The following LRRK1 variants were observed in gnomAD, a reference collection of about 807,000 sequenced individuals.
LRRK1 encodes leucine rich repeat kinase 1.
Under a neutral mutation model 209.1 loss-of-function variants are expected in LRRK1, and 113 were observed. The observed-to-expected ratio is 0.54, with a 90% CI of 0.46 to 0.63. LRRK1 has a LOEUF of 0.63. LRRK1 is among the 30% of genes least tolerant of loss of function. The pLI is 0.00. For missense variants in LRRK1, 2,284 were observed against 2,632.2 expected (o/e 0.87, Z 2.89); for synonymous variants, 1,144 against 1,099.7 (o/e 1.04, Z -0.80).
At chr15:100,923,192 G>A (rs112194645) in intron 1 of LRRK1, among the ~76,000 whole-genome samples, 1,696 of 152,266 alleles carry the variant, frequency 0.011, 36 homozygotes, top group African/African-American at 0.039. Context: ...CACTTTGGTT[G>A]AATTCACACA....
At chr15:101,042,960 G>C (rs1596312070) in intron 20 of LRRK1, among the ~76,000 whole-genome samples, 1 of 152,324 alleles carries the variant, frequency 6.6e-6, no homozygotes, top group Non-Finnish European at 1.5e-5. Context: ...GAGCACACGA[G>C]GGGTGAGACC....
At chr15:101,014,231 T>G in intron 10 of LRRK1, 85 bp from the exon 11 acceptor site, 1 of 958,942 alleles carries the variant, frequency 1.0e-6, no homozygotes, top group Middle Eastern at 2.1e-4. Flanking sequence ...TGCGCGTGGT[T>G]GGGAACTGAC....
At chr15:100,935,902 G>A (rs1443040885) in intron 2 of LRRK1, among the ~76,000 whole-genome samples, 2 of 152,198 alleles carry the variant, frequency 1.3e-5, no homozygotes, top group African/African-American at 4.8e-5. Context: ...TCCACCGCAT[G>A]TCTAGCCCAA....
chr15:100,956,590 G>C (rs71409321), intron 2 of LRRK1, among the ~76,000 whole-genome samples: 13,690 of 150,948 alleles, frequency 0.091, 700 homozygotes, highest in Non-Finnish European at 0.12. Flanking sequence ...TCAGCCTCCT[G>C]AGTAGCTGGG....
chr15:101,008,787 G>T, intron 6 of LRRK1, 50 bp from the exon 7 acceptor site: 4 of 1,383,800 alleles, frequency 2.9e-6, no homozygotes, highest in Non-Finnish European at 4.1e-6. Context: ...AGCCCATGTG[G>T]GCCCTGAACT....
At chr15:100,982,878 C>T (rs986172339) in intron 3 of LRRK1, among the ~76,000 whole-genome samples, 2 of 152,252 alleles carry the variant, frequency 1.3e-5, no homozygotes, top group Non-Finnish European at 1.5e-5. Context: ...ATGTATATAT[C>T]ATATTTTCTA....
chr15:100,973,670 C>A, intron 2 of LRRK1, 134 bp from the exon 3 acceptor site: 1 of 922,122 alleles, frequency 1.1e-6, no homozygotes, highest in Non-Finnish European at 1.4e-6. Flanking sequence ...GTCGCGGGGC[C>A]ACCCCTCTCT....
At chr15:101,009,641 G>A (rs770618467) in intron 7 of LRRK1, among the ~76,000 whole-genome samples, 7 of 152,134 alleles carry the variant, frequency 4.6e-5, no homozygotes, top group African/African-American at 7.2e-5. Flanking sequence ...CAACTGGAGT[G>A]CAGTGGCATA....
At chr15:101,068,365 G>T (rs1174245636) in intron 33 of LRRK1, among the ~76,000 whole-genome samples, 3 of 152,152 alleles carry the variant, frequency 2.0e-5, no homozygotes, top group Non-Finnish European at 4.4e-5. Flanking sequence ...CGCTTTGGGA[G>T]CTGAGTCAAG....
chr15:101,007,728 G>C (rs1184882911), intron 6 of LRRK1, among the ~76,000 whole-genome samples: 1 of 152,158 alleles, frequency 6.6e-6, no homozygotes, highest in Admixed American at 6.5e-5. Flanking sequence ...GATTGGTAGG[G>C]GTGCAAAGTT....
intron 6 of LRRK1, among the ~76,000 whole-genome samples, chr15:100,993,063 C>T (rs2032234087): frequency 2.6e-5 from 4 of 152,198 alleles, no homozygotes; most frequent in Admixed American, 2.0e-4. Flanking sequence ...TTCAGTACTG[C>T]AGGGCCTTCG....
chr15:100,953,944 C>G (rs980304780), intron 2 of LRRK1, among the ~76,000 whole-genome samples: 1 of 151,998 alleles, frequency 6.6e-6, no homozygotes, highest in Non-Finnish European at 1.5e-5. Context: ...GAGACACAGT[C>G]TCACTGTGTC....
chr15:101,005,102 T>A (rs1389513341), intron 6 of LRRK1, among the ~76,000 whole-genome samples: 1 of 152,210 alleles, frequency 6.6e-6, no homozygotes. Context: ...GATTGCAATC[T>A]GGACACCTTG....
chr15:101,026,591 C>T (rs554906458), intron 17 of LRRK1, among the ~76,000 whole-genome samples: 27 of 152,318 alleles, frequency 1.8e-4, no homozygotes, highest in African/African-American at 2.9e-4. Flanking sequence ...TTAGGCATCA[C>T]GACGTGTCCA....
chr15:100,983,230 T>C (rs932253147), intron 3 of LRRK1, among the ~76,000 whole-genome samples: 2 of 152,248 alleles, frequency 1.3e-5, no homozygotes, highest in African/African-American at 4.8e-5. Context: ...ATGTTAATAT[T>C]ATTTAACATG....
At chr15:101,042,737 G>C (rs570803563) in intron 20 of LRRK1, among the ~76,000 whole-genome samples, 3 of 152,292 alleles carry the variant, frequency 2.0e-5, no homozygotes, top group Admixed American at 2.0e-4. Context: ...CTTGTCGGGG[G>C]ATTTGTGCAG....
intron 1 of LRRK1, among the ~76,000 whole-genome samples, chr15:100,921,938 G>A (rs1363306988): frequency 2.0e-5 from 3 of 152,058 alleles, no homozygotes; most frequent in East Asian, 1.9e-4. Flanking sequence ...GGGTGATCTC[G>A]AACTCCTGAC....
At chr15:100,965,113 T>A (rs1488239661) in intron 2 of LRRK1, among the ~76,000 whole-genome samples, 2 of 149,932 alleles carry the variant, frequency 1.3e-5, no homozygotes, top group African/African-American at 4.9e-5. Context: ...ACAGCCAGCA[T>A]TACTCTGTCA....
intron 12 of LRRK1, among the ~76,000 whole-genome samples, chr15:101,019,609 A>C (rs969236838): frequency 1.3e-5 from 2 of 152,158 alleles, no homozygotes; most frequent in African/African-American, 4.8e-5. Context: ...TTGCAGCTAC[A>C]TGTGTGGAGG....
Sources: gnomAD v4.1 joint callset for allele counts (sites outside exome capture counted in the v4.1 genomes callset) on GRCh38, gnomAD v4.1.1 for gene constraint, MANE v1.5 for transcripts, NCBI Gene and HGNC (gene_info 2026-07-23, HGNC 2026-07-21) for gene names.